Variants in FSTL5 observed in about 807,000 individuals in gnomAD.
FSTL5 encodes follistatin like 5.
FSTL5 carries 62 observed loss-of-function variants against 89.1 expected under a neutral mutation model. The observed-to-expected ratio is 0.70, with a 90% CI of 0.57 to 0.86. FSTL5 has a LOEUF of 0.86. Ranked by LOEUF, FSTL5 falls within the 40% of genes least tolerant of loss-of-function variation. The pLI is 0.00. For synonymous variants in FSTL5, 383 were observed against 346.2 expected (o/e 1.11, Z -1.18); for missense variants, 1,057 against 1,001.6 (o/e 1.06, Z -0.75).
At chr4:161,576,623 G>C (rs1733217260) in intron 8 of FSTL5, among the ~76,000 whole-genome samples, 1 of 152,180 alleles carries the variant, frequency 6.6e-6, no homozygotes, top group Admixed American at 6.5e-5. Flanking sequence ...GCCATATGCA[G>C]AAAATAGAAA....
At chr4:161,887,309 T>G (rs1345622686) in intron 4 of FSTL5, among the ~76,000 whole-genome samples, 1 of 152,126 alleles carries the variant, frequency 6.6e-6, no homozygotes, top group East Asian at 1.9e-4. Context: ...TCATCATAAT[T>G]CAGTCATATC....
At chr4:162,083,044 C>G (rs1465794747) in intron 2 of FSTL5, among the ~76,000 whole-genome samples, 1 of 151,516 alleles carries the variant, frequency 6.6e-6, no homozygotes, top group Non-Finnish European at 1.5e-5. Context: ...AAACCAGCTG[C>G]CAGTATTTAG....
chr4:161,716,058 T>C (rs978907448), intron 6 of FSTL5, among the ~76,000 whole-genome samples: 2 of 152,176 alleles, frequency 1.3e-5, no homozygotes, highest in Non-Finnish European at 2.9e-5. Flanking sequence ...CATAACATTA[T>C]GCCTTGGCCA....
chr4:162,103,228 TAA>T lies in FSTL5; in HGVS notation c.126+8041_126+8042del, dbSNP rs1469559175. On this transcript the variant is annotated intron_variant, in intron 2 of 15. Coordinates refer to ENST00000306100, the MANE Select transcript of FSTL5 (RefSeq NM_020116.5). ...TGCCAGTTTTCTCTAGAATAGGAAA[TAA>T]AGTTTTTTTGAAGGAATAAACACGC... Among the ~76,000 whole-genome samples the T allele has an allele frequency of 2.0e-5, 3 of 152,186 alleles. No homozygotes were observed. In the South Asian group the frequency reaches 6.2e-4, roughly 31 times the overall value.
chr4:161,763,172 G>T (rs1740866656), intron 5 of FSTL5, among the ~76,000 whole-genome samples: 1 of 152,070 alleles, frequency 6.6e-6, no homozygotes, highest in Non-Finnish European at 1.5e-5. Flanking sequence ...TGCCTACTAT[G>T]TGTCAGGCAT....
At chr4:161,665,503 G>C (rs941978296) in intron 6 of FSTL5, among the ~76,000 whole-genome samples, 1 of 152,132 alleles carries the variant, frequency 6.6e-6, no homozygotes, top group Admixed American at 6.5e-5. Flanking sequence ...AAAGTGCTGG[G>C]ATTACAGGCG....
intron 3 of FSTL5, among the ~76,000 whole-genome samples, chr4:161,984,268 A>T (rs942136193): frequency 6.6e-6 from 1 of 152,092 alleles, no homozygotes; most frequent in African/African-American, 2.4e-5. Context: ...AGTGAAATCA[A>T]TTAGAAATTG....
In FSTL5 at chr4:161,528,535, C is replaced by T. The variant is rs780009049; in HGVS notation, c.1312+9631G>A. On this transcript the variant is annotated intron_variant, in intron 10 of 15. Transcript: ENST00000306100. Reference sequence around the variant, plus strand: ...AGTTGTATAATCTGGGCTGTTGGCACAGAGTTAATAGAAATATATGGCATA... The same window carrying T: ...AGTTGTATAATCTGGGCTGTTGGCATAGAGTTAATAGAAATATATGGCATA... Among the ~76,000 whole-genome samples, 107 of 142,524 alleles carry T rather than the reference C, an allele frequency of 7.5e-4. 14 individuals carry two copies. Among genetic ancestry groups the T allele is most frequent in the Admixed American group, 1.3e-3 (17 of 13,288 alleles). 93.5% of individuals were successfully genotyped at this position (142,524 alleles called of 152,430 possible).
Position 161,384,820 on chromosome 4 carries a change from T to C in FSTL5, c.*927A>G, listed in dbSNP as rs577076255. The C allele has an allele frequency of 2.0e-5, 3 of 152,312 alleles. No homozygotes were observed. The highest frequency in any genetic ancestry group is 7.2e-5 in the African/African-American group (3 of 41,586). 9.4% of individuals were successfully genotyped at this position (152,312 alleles called of 1,614,324 possible). A position where few individuals can be genotyped will look rare whatever the true frequency, so the allele number is the denominator to read the frequency against. Reference sequence around the variant, plus strand: ...GGTTTACTTTAGCAGACAAAAGTAATGTTTCTTTTTTAAAACCGAAAGTTC... The same window carrying C: ...GGTTTACTTTAGCAGACAAAAGTAACGTTTCTTTTTTAAAACCGAAAGTTC... On this transcript the variant is annotated 3_prime_UTR_variant, in exon 16 of 16. Coordinates refer to ENST00000306100, the MANE Select transcript of FSTL5 (RefSeq NM_020116.5).
At chr4:162,096,981 C>A (rs12504893) in intron 2 of FSTL5, among the ~76,000 whole-genome samples, 95,539 of 151,580 alleles carry the variant, frequency 0.63, 30,284 homozygotes, top group Admixed American at 0.69. Context: ...GATGAAATAG[C>A]AGTTTGTTTT....
intron 2 of FSTL5, among the ~76,000 whole-genome samples, chr4:162,084,033 C>T (rs1730207704): frequency 1.3e-5 from 2 of 151,848 alleles, no homozygotes; most frequent in East Asian, 3.9e-4. Flanking sequence ...ATCAAATAGG[C>T]AGAATGAATT....
chr4:161,710,711 A>C (rs1738749141), intron 6 of FSTL5, among the ~76,000 whole-genome samples: 1 of 152,198 alleles, frequency 6.6e-6, no homozygotes, highest in Non-Finnish European at 1.5e-5. Context: ...TTATTGAGTC[A>C]TGTTCCCATC....
intron 3 of FSTL5, among the ~76,000 whole-genome samples, chr4:161,985,803 A>T (rs1550493): frequency 0.39 from 58,461 of 151,796 alleles, 11,554 homozygotes; most frequent in Middle Eastern, 0.56. Context: ...ATATATATTT[A>T]TCATTACTCA....
intron 4 of FSTL5, among the ~76,000 whole-genome samples, chr4:161,885,378 A>T (rs868161842): frequency 6.6e-6 from 1 of 152,188 alleles, no homozygotes; most frequent in South Asian, 2.1e-4. Context: ...TCTAAGAATG[A>T]ATGTGTGTAT....
At chr4:161,496,207 C>T (rs1730063586) in intron 12 of FSTL5, among the ~76,000 whole-genome samples, 1 of 152,070 alleles carries the variant, frequency 6.6e-6, no homozygotes, top group African/African-American at 2.4e-5. Context: ...TGTTTCTTGG[C>T]CTGTCATATG....
chr4:161,624,766 C>T (rs1010941308), intron 7 of FSTL5, among the ~76,000 whole-genome samples: 1 of 152,022 alleles, frequency 6.6e-6, no homozygotes, highest in South Asian at 2.1e-4. Flanking sequence ...ATAAGTATTA[C>T]CTTTTCTAAT....
chr4:161,877,835 C>T (rs11945948), intron 4 of FSTL5, among the ~76,000 whole-genome samples: 150,683 of 151,422 alleles, frequency 1, 74,980 homozygotes, highest in Non-Finnish European at 1. Context: ...TTTATATTTT[C>T]AGTAGAGACG....
At chr4:161,940,693 A>T (rs993751715) in intron 3 of FSTL5, among the ~76,000 whole-genome samples, 1 of 151,920 alleles carries the variant, frequency 6.6e-6, no homozygotes, top group African/African-American at 2.4e-5. Flanking sequence ...GAAATTGGAA[A>T]GGAAACATTT....
intron 2 of FSTL5, among the ~76,000 whole-genome samples, chr4:162,075,731 T>A (rs1729811711): frequency 6.6e-6 from 1 of 151,886 alleles, no homozygotes; most frequent in South Asian, 2.1e-4. Context: ...TAATGTCCCA[T>A]CATCACACCA....
Sources: allele counts gnomAD v4.1 joint callset (sites outside exome capture counted in the v4.1 genomes callset), GRCh38; gene constraint gnomAD v4.1.1; transcripts MANE v1.5; gene names NCBI Gene and HGNC (gene_info 2026-07-23, HGNC 2026-07-21).